GNG2: variants seen among roughly 807,000 people sequenced by gnomAD.
GNG2 encodes G protein subunit gamma 2.
GNG2 carries 5 observed loss-of-function variants against 5.5 expected under a neutral mutation model. That is an observed-to-expected ratio of 0.91 (90% CI 0.48 to 1.92). The LOEUF is 1.92. GNG2 is among the 30% of genes most tolerant of loss of function. GNG2 has a pLI of 0.01. For synonymous variants in GNG2, 28 were observed against 32.0 expected (o/e 0.88, Z 0.42); for missense variants, 55 against 88.4 (o/e 0.62, Z 1.52).
intron 2 of GNG2, among the ~76,000 whole-genome samples, chr14:51,932,277 AG>A (rs1336364629): frequency 6.8e-6 from 1 of 146,478 alleles, no homozygotes; most frequent in East Asian, 2.0e-4. Flanking sequence ...AAAAAAGAAA[AG>A]AAAATATGGT....
intron 1 of GNG2, chr14:51,827,538 A>C: frequency 1.7e-6 from 1 of 577,966 alleles, no homozygotes; most frequent in Non-Finnish European, 3.1e-6. Context: ...TGAGAAAGCT[A>C]GGAGTGGTAT....
intron 2 of GNG2, among the ~76,000 whole-genome samples, chr14:51,938,970 C>T (rs945686639): frequency 1.3e-5 from 2 of 152,184 alleles, no homozygotes; most frequent in African/African-American, 4.8e-5. Flanking sequence ...AGGCAGAAGG[C>T]TGCTGCCTTT....
Position 51,931,285 on chromosome 14 carries a change from C to G in GNG2, c.-29-19365C>G, listed in dbSNP as rs563316067. On this transcript the variant is annotated intron_variant, in intron 2 of 3. Transcript: ENST00000556766. ...GAAGCAAAAGGAAGCAGTAAGAAGA[C>G]TGTCAAAGTTTTTAATCTGAGCAAT... Among the ~76,000 whole-genome samples the G allele has an allele frequency of 3.3e-5, 5 of 152,260 alleles. No homozygotes were observed. The East Asian group carries it at 9.7e-4, about 29-fold the overall frequency.
Position 51,845,827 on chromosome 14 carries a change from C to T in GNG2, c.64+18020C>T, listed in dbSNP as rs190871791. Among the ~76,000 whole-genome samples, 623 of 152,246 alleles carry T rather than the reference C, an allele frequency of 4.1e-3. 2 individuals are homozygous for T. Among genetic ancestry groups the T allele is most frequent in the African/African-American group, 0.014 (594 of 41,550 alleles). ...TGCCACCTATTGATCCAGTTTGGGA[C>T]GTGCTGGCCTGAGTGATGAGTCAGT... On this transcript the variant is annotated intron_variant, in intron 2 of 3. Transcript: ENST00000553432.
At chr14:51,844,372 G>A (rs1881565164) in intron 2 of GNG2, among the ~76,000 whole-genome samples, 2 of 152,150 alleles carry the variant, frequency 1.3e-5, no homozygotes, top group African/African-American at 2.4e-5. Context: ...CTGGGTAGGG[G>A]GCAGATCTTA....
intron 2 of GNG2, among the ~76,000 whole-genome samples, chr14:51,921,015 T>C (rs952486096): frequency 2.0e-5 from 3 of 152,358 alleles, no homozygotes; most frequent in Admixed American, 6.5e-5. Flanking sequence ...CTTAATTTCA[T>C]TGAATCTCAT....
intron 2 of GNG2, among the ~76,000 whole-genome samples, chr14:51,942,321 C>A (rs547337875): frequency 4.6e-5 from 7 of 151,940 alleles, no homozygotes; most frequent in Non-Finnish European, 8.8e-5. Flanking sequence ...GTACTATGGG[C>A]CTTTGAGCAG....
chr14:51,829,352 C>G (rs1176083847), intron 2 of GNG2, among the ~76,000 whole-genome samples: 1 of 152,184 alleles, frequency 6.6e-6, no homozygotes, highest in African/African-American at 2.4e-5. Context: ...AGCTATTGAT[C>G]ATACCACCTT....
At chr14:51,888,344 G>A (rs1884606284) in intron 2 of GNG2, among the ~76,000 whole-genome samples, 1 of 152,058 alleles carries the variant, frequency 6.6e-6, no homozygotes, top group African/African-American at 2.4e-5. Flanking sequence ...TTTGAGACAA[G>A]GACTTCCTTT....
At chr14:51,906,787 G>T (rs1411427554) in intron 2 of GNG2, among the ~76,000 whole-genome samples, 2 of 76,784 alleles carry the variant, frequency 2.6e-5, no homozygotes, top group South Asian at 4.2e-4. Context: ...ACGGAGTCTT[G>T]CTCTTTCGCC....
intron 2 of GNG2, among the ~76,000 whole-genome samples, chr14:51,946,707 T>C (rs1888664334): frequency 6.6e-6 from 1 of 152,152 alleles, no homozygotes; most frequent in Non-Finnish European, 1.5e-5. Context: ...GGTGTCCTTC[T>C]TTTGCTCCTA....
At chr14:51,936,243 T>C (rs1023123509) in intron 2 of GNG2, among the ~76,000 whole-genome samples, 3 of 152,218 alleles carry the variant, frequency 2.0e-5, no homozygotes, top group African/African-American at 7.2e-5. Context: ...AAGATACTTC[T>C]GGGTCCTGCT....
At chr14:51,949,132 AAAAAG>A (rs1160264313) in intron 2 of GNG2, among the ~76,000 whole-genome samples, 3 of 151,934 alleles carry the variant, frequency 2.0e-5, no homozygotes, top group Non-Finnish European at 4.4e-5. Context: ...AAAAAAAAAA[AAAAAG>A]AAAAGAAATT....
intron 2 of GNG2, among the ~76,000 whole-genome samples, chr14:51,896,150 C>T (rs1255263728): frequency 2.6e-5 from 4 of 152,166 alleles, no homozygotes; most frequent in African/African-American, 9.7e-5. Context: ...TGAAGTCCTG[C>T]TGTCAAGATG....
chr14:51,912,249 T>G (rs1324197384), intron 2 of GNG2, among the ~76,000 whole-genome samples: 4 of 152,088 alleles, frequency 2.6e-5, no homozygotes, highest in Non-Finnish European at 5.9e-5. Context: ...GAAGAAAGAA[T>G]GGGGGAGATA....
intron 2 of GNG2, among the ~76,000 whole-genome samples, chr14:51,878,680 AT>A (rs552095410): frequency 3.0e-4 from 46 of 152,302 alleles, no homozygotes; most frequent in African/African-American, 1.0e-3. Flanking sequence ...CTCAACTCAT[AT>A]TTATAAGGTC....
At chr14:51,875,865 TAAC>T (rs1167907191) in intron 1 of GNG2, among the ~76,000 whole-genome samples, 7 of 151,602 alleles carry the variant, frequency 4.6e-5, no homozygotes, top group Admixed American at 4.6e-4. Flanking sequence ...CTTTTTAAAG[TAAC>T]AATATTTATT....
At chr14:51,881,969 C>T (rs1034732090) in intron 2 of GNG2, among the ~76,000 whole-genome samples, 5 of 152,098 alleles carry the variant, frequency 3.3e-5, no homozygotes, top group Admixed American at 1.3e-4. Flanking sequence ...TGCTAAGACT[C>T]GCCTCATTTC....
At chr14:51,912,945 A>G (rs955310150) in intron 2 of GNG2, 1 of 152,266 alleles carries the variant, frequency 6.6e-6, no homozygotes, top group Non-Finnish European at 1.5e-5. Context: ...AAACTGCTGA[A>G]GCTCACTAAA....
Sources: allele counts gnomAD v4.1 joint callset (sites outside exome capture counted in the v4.1 genomes callset), GRCh38; gene constraint gnomAD v4.1.1; transcripts MANE v1.5; gene names NCBI Gene and HGNC (gene_info 2026-07-23, HGNC 2026-07-21).